The following AP2B1 variants were observed in gnomAD, a reference collection of about 807,000 sequenced individuals.
The protein encoded by AP2B1 is AP-2 complex subunit beta.
AP2B1 carries 23 observed loss-of-function variants against 102.0 expected under a neutral mutation model. That is an observed-to-expected ratio of 0.23 (90% CI 0.16 to 0.32). The LOEUF is 0.32. Among genes scored for constraint, AP2B1 ranks in the 10% least tolerant of loss-of-function variants. AP2B1 has a pLI of 1.00. For synonymous variants in AP2B1, 381 were observed against 421.2 expected, an observed-to-expected ratio of 0.90 and a Z score of 1.17; for missense variants, 541 against 1,157.4, an observed-to-expected ratio of 0.47 and a Z score of 7.73.
At chr17:35,631,953 G>C (rs374184608) in intron 9 of AP2B1, among the ~76,000 whole-genome samples, 26 of 152,036 alleles carry the variant, frequency 1.7e-4, no homozygotes, top group African/African-American at 6.3e-4. Flanking sequence ...TTCCTAGTTT[G>C]TTGTCCTTTA....
chr17:35,660,105 C>A, intron 14 of AP2B1: 1 of 975,668 alleles, frequency 1.0e-6, no homozygotes, highest in Middle Eastern at 5.2e-4. Flanking sequence ...AAATTATATA[C>A]CTTGAATCTC....
At chr17:35,622,667 T>A (rs181617381) in intron 5 of AP2B1, among the ~76,000 whole-genome samples, 233 of 152,284 alleles carry the variant, frequency 1.5e-3, no homozygotes, top group African/African-American at 5.5e-3. Flanking sequence ...TGGAGAATAT[T>A]TATTTATTTA....
intron 14 of AP2B1, chr17:35,660,087 C>T (rs2075323562): frequency 2.0e-6 from 2 of 984,204 alleles, no homozygotes; most frequent in Non-Finnish European, 2.4e-6. Flanking sequence ...CAGAGTGCTT[C>T]TCAAAATAAA....
chr17:35,705,770 C>A (rs938119356), intron 18 of AP2B1, among the ~76,000 whole-genome samples: 1 of 152,122 alleles, frequency 6.6e-6, no homozygotes, highest in Non-Finnish European at 1.5e-5. Context: ...AATCCGCCTG[C>A]CTCAGCTTCC....
intron 5 of AP2B1, among the ~76,000 whole-genome samples, chr17:35,614,278 GCCT>G (rs977644597): frequency 3.3e-5 from 5 of 152,104 alleles, no homozygotes; most frequent in African/African-American, 1.2e-4. Context: ...GCTCAGTGCA[GCCT>G]CAAACTCCTG....
intron 14 of AP2B1, among the ~76,000 whole-genome samples, chr17:35,658,425 C>T (rs991147724): frequency 5.3e-5 from 8 of 152,078 alleles, no homozygotes; most frequent in Admixed American, 1.3e-4. Context: ...TACTAAAAGG[C>T]TCCAAAGTCC....
At chr17:35,600,040 G>T (rs1246508802) in intron 3 of AP2B1, among the ~76,000 whole-genome samples, 1 of 152,178 alleles carries the variant, frequency 6.6e-6, no homozygotes, top group Non-Finnish European at 1.5e-5. Context: ...ACAGTGTGTG[G>T]ACTCAGAAAG....
intron 1 of AP2B1, among the ~76,000 whole-genome samples, chr17:35,592,455 C>T (rs1029654526): frequency 4.6e-5 from 7 of 151,682 alleles, no homozygotes; most frequent in African/African-American, 1.7e-4. Context: ...TAAGCTCAAG[C>T]GATCCACACA....
chr17:35,607,341 A>G (rs1226685299), intron 4 of AP2B1, among the ~76,000 whole-genome samples: 1 of 152,150 alleles, frequency 6.6e-6, no homozygotes, highest in East Asian at 1.9e-4. Context: ...TTTCTCATGA[A>G]CTTTTTGTTC....
rs572111696 is a variant in AP2B1 at position 35,590,071 on chromosome 17, G to A, written c.-24+2643G>A. Among the ~76,000 whole-genome samples the A allele has an allele frequency of 1.6e-4, 24 of 151,836 alleles. No individual in the cohort carries two copies. The East Asian group carries it at 2.7e-3, about 17-fold the overall frequency. ...TTCCCGAGTAGCTGGGACTACAGGC[G>A]CCCGCCACACGCCTGGCTAATTTTT... On this transcript the variant is annotated intron_variant, in intron 1 of 21. Transcript: ENST00000610402.
intron 15 of AP2B1, 30 bp from the exon 16 acceptor site, chr17:35,671,724 T>G: frequency 6.2e-7 from 1 of 1,609,564 alleles, no homozygotes; most frequent in African/African-American, 1.3e-5. Flanking sequence ...CTTCCCAATC[T>G]CCCCTCTCCC....
rs1293542215 is a variant in AP2B1 at position 35,724,886 on chromosome 17, A to G, written c.*1187A>G. The G allele has an allele frequency of 6.6e-6, 1 of 152,224 alleles. No individual in the cohort carries two copies. The highest frequency in any genetic ancestry group is 2.4e-5 in the African/African-American group (1 of 41,450). 9.4% of individuals were successfully genotyped at this position (152,224 alleles called of 1,614,324 possible). On this transcript the variant is annotated 3_prime_UTR_variant, in exon 22 of 22. Coordinates refer to ENST00000610402, the MANE Select transcript of AP2B1 (RefSeq NM_001030006.2). Reference sequence around the variant, plus strand: ...TATTGGCATCAGGTGGCAGCTGAATATCTTTTGAATTACTCGAAGGTAAAG... The same window carrying G: ...TATTGGCATCAGGTGGCAGCTGAATGTCTTTTGAATTACTCGAAGGTAAAG...
intron 13 of AP2B1, among the ~76,000 whole-genome samples, chr17:35,653,102 A>G (rs1484219775): frequency 2.0e-5 from 3 of 152,110 alleles, no homozygotes; most frequent in African/African-American, 7.2e-5. Flanking sequence ...AAAAGGTTCA[A>G]TCTGAACCCT....
intron 17 of AP2B1, among the ~76,000 whole-genome samples, chr17:35,677,054 A>G (rs147019742): frequency 1.2e-3 from 188 of 152,316 alleles, no homozygotes; most frequent in African/African-American, 4.2e-3. Flanking sequence ...CAGTGGCACA[A>G]TCAAGGCCTA....
intron 18 of AP2B1, among the ~76,000 whole-genome samples, chr17:35,695,849 G>A (rs190322279): frequency 4.0e-4 from 61 of 152,226 alleles, no homozygotes; most frequent in African/African-American, 1.4e-3. Flanking sequence ...CTTGGTTGCC[G>A]TTGTCTCATC....
chr17:35,596,958 A>G, intron 2 of AP2B1: 1 of 684,320 alleles, frequency 1.5e-6, no homozygotes, highest in East Asian at 3.4e-5. Flanking sequence ...AACCAGGAGA[A>G]GAAAGCTGTC....
At chr17:35,717,687 C>T (rs587758628) in intron 21 of AP2B1, among the ~76,000 whole-genome samples, 3 of 152,132 alleles carry the variant, frequency 2.0e-5, no homozygotes, top group East Asian at 1.9e-4. Flanking sequence ...AATAAGCTGC[C>T]GAGAGGATTG....
At chr17:35,676,581 C>CAAG (rs1236743538) in intron 17 of AP2B1, among the ~76,000 whole-genome samples, 1 of 152,088 alleles carries the variant, frequency 6.6e-6, no homozygotes, top group Non-Finnish European at 1.5e-5. Context: ...TTTGTGTATA[C>CAAG]ATCTTTGGTT....
At chr17:35,689,687 T>C (rs1186845449) in intron 18 of AP2B1, among the ~76,000 whole-genome samples, 2 of 152,172 alleles carry the variant, frequency 1.3e-5, no homozygotes, top group Non-Finnish European at 2.9e-5. Context: ...TTTAATATGA[T>C]AGCCACTAGC....
Sources: gnomAD v4.1 joint callset for allele counts (sites outside exome capture counted in the v4.1 genomes callset) on GRCh38, gnomAD v4.1.1 for gene constraint, MANE v1.5 for transcripts, NCBI Gene and HGNC (gene_info 2026-07-23, HGNC 2026-07-21) for gene names.